Variants in OTOGL observed in about 807,000 individuals in gnomAD.
OTOGL encodes the protein otogelin like.
OTOGL carries 285 observed loss-of-function variants against 318.5 expected under a neutral mutation model. The ratio of observed to expected loss-of-function variants is 0.89; its 90% CI spans 0.81 to 0.99. OTOGL has a LOEUF of 0.99. Ranked by LOEUF, OTOGL falls within the 50% of genes least tolerant of loss-of-function variation. The pLI is 0.00. For synonymous variants in OTOGL, 987 were observed against 936.5 expected (o/e 1.05, Z -0.99); for missense variants, 2,899 against 2,845.6 (o/e 1.02, Z -0.43).
intron 1 of OTOGL, among the ~76,000 whole-genome samples, chr12:80,179,708 T>C (rs554579541): frequency 6.6e-6 from 1 of 152,346 alleles, no homozygotes; most frequent in East Asian, 1.9e-4. Context: ...GGGCATTCAG[T>C]GCTTAGATGA....
intron 9 of OTOGL, among the ~76,000 whole-genome samples, chr12:80,235,841 G>A (rs1879799220): frequency 6.6e-6 from 1 of 152,072 alleles, no homozygotes; most frequent in Non-Finnish European, 1.5e-5. Context: ...ACAGTATAAG[G>A]CAGAGTAATT....
intron 26 of OTOGL, among the ~76,000 whole-genome samples, chr12:80,281,042 G>C (rs559718732): frequency 6.6e-6 from 1 of 151,568 alleles, no homozygotes; most frequent in Non-Finnish European, 1.5e-5. Context: ...TTCTACATTG[G>C]TTTTGTATCC....
In OTOGL at chr12:80,150,161, G is replaced by C. The variant is rs141919948; in HGVS notation, c.-20+50556G>C. ...AGGACTTTGCTCTCTCTCAAATAGAGTACTGTGTGACCAAAGGTCCTGTTC... is the reference window on the plus strand; with the variant it reads ...AGGACTTTGCTCTCTCTCAAATAGACTACTGTGTGACCAAAGGTCCTGTTC... On this transcript the variant is annotated intron_variant, in intron 1 of 58. Coordinates refer to ENST00000547103, the MANE Select transcript of OTOGL (RefSeq NM_001378609.3). Among the ~76,000 whole-genome samples, 5 of 152,298 alleles carry C rather than the reference G, an allele frequency of 3.3e-5. No individual in the cohort carries two copies. In the East Asian group the frequency reaches 9.6e-4, roughly 29 times the overall value.
chr12:80,366,123 G>A (rs1566018345), intron 52 of OTOGL: 1 of 199,594 alleles, frequency 5.0e-6, no homozygotes, highest in Non-Finnish European at 1.1e-5. Flanking sequence ...AGGGAAGTGA[G>A]GAGCAGATTG....
chr12:80,099,899 T>A (rs975414687), intron 1 of OTOGL, among the ~76,000 whole-genome samples: 2 of 152,194 alleles, frequency 1.3e-5, no homozygotes, highest in Admixed American at 1.3e-4. Flanking sequence ...CCAATCACTT[T>A]GAAGAGAGGA....
At chr12:80,277,101 T>A (rs1299531518) in intron 24 of OTOGL, among the ~76,000 whole-genome samples, 1 of 149,006 alleles carries the variant, frequency 6.7e-6, no homozygotes, top group East Asian at 1.9e-4. Context: ...TTTTAATTTT[T>A]ATTTATTTAT....
chr12:80,134,794 T>C (rs1871447057), intron 1 of OTOGL, among the ~76,000 whole-genome samples: 1 of 152,178 alleles, frequency 6.6e-6, no homozygotes. Context: ...ATGTCAGTAA[T>C]CACAAGAAGC....
chr12:80,364,607 C>G (rs1019106794), intron 52 of OTOGL, among the ~76,000 whole-genome samples: 6 of 152,064 alleles, frequency 3.9e-5, no homozygotes, highest in African/African-American at 1.4e-4. Context: ...AATCTCTACT[C>G]TACTTTCTGT....
At chr12:80,306,731 T>C (rs75476229) in intron 29 of OTOGL, among the ~76,000 whole-genome samples, 1,941 of 151,814 alleles carry the variant, frequency 0.013, 30 homozygotes, top group African/African-American at 0.044. Context: ...AAAATCGTTT[T>C]ACATTCTTCT....
At chr12:80,301,358 C>T (rs1394622257) in intron 27 of OTOGL, among the ~76,000 whole-genome samples, 1 of 152,206 alleles carries the variant, frequency 6.6e-6, no homozygotes, top group Non-Finnish European at 1.5e-5. Flanking sequence ...TTTATCCTTT[C>T]TCCTGCCTAA....
chr12:80,150,140 C>CT (rs887511769), intron 1 of OTOGL, among the ~76,000 whole-genome samples: 13 of 152,242 alleles, frequency 8.5e-5, no homozygotes, highest in African/African-American at 2.4e-4. Context: ...ATAGAAAGGA[C>CT]TTTGCTCTCT....
chr12:80,188,018 C>T (rs1875414052), intron 1 of OTOGL, among the ~76,000 whole-genome samples: 1 of 152,154 alleles, frequency 6.6e-6, no homozygotes, highest in African/African-American at 2.4e-5. Flanking sequence ...GACTCAGTGC[C>T]AGGAGTTGAC....
chr12:80,100,350 T>C (rs1869064963), intron 1 of OTOGL, among the ~76,000 whole-genome samples: 1 of 152,196 alleles, frequency 6.6e-6, no homozygotes, highest in South Asian at 2.1e-4. Flanking sequence ...AACAAAAATA[T>C]GATAAATGCT....
At chr12:80,256,081 T>A (rs187884837) in intron 16 of OTOGL, among the ~76,000 whole-genome samples, 198 of 152,196 alleles carry the variant, frequency 1.3e-3, no homozygotes, top group Non-Finnish European at 2.3e-3. Context: ...CTGATATATT[T>A]AATGTACTAT....
intron 55 of OTOGL, among the ~76,000 whole-genome samples, chr12:80,369,843 T>C (rs1890773415): frequency 6.6e-6 from 1 of 152,044 alleles, no homozygotes; most frequent in African/African-American, 2.4e-5. Flanking sequence ...CCATCTCTTT[T>C]ATGAATTTTC....
At chr12:80,320,807 GA>G in intron 34 of OTOGL, 107 bp downstream of exon 34, 1 of 1,165,918 alleles carries the variant, frequency 8.6e-7, no homozygotes, top group Non-Finnish European at 1.2e-6. Context: ...TAAGCAGATA[GA>G]CTTTTATGAC....
intron 1 of OTOGL, among the ~76,000 whole-genome samples, chr12:80,146,827 T>C (rs1872403008): frequency 6.6e-6 from 1 of 151,716 alleles, no homozygotes; most frequent in Non-Finnish European, 1.5e-5. Context: ...TTCTTCTAGA[T>C]TTTCTAGTTT....
chr12:80,227,162 T>G (rs1878935883), intron 7 of OTOGL, among the ~76,000 whole-genome samples: 1 of 152,152 alleles, frequency 6.6e-6, no homozygotes, highest in Admixed American at 6.6e-5. Context: ...TTTCCTTTTT[T>G]GTTCTACATT....
At chr12:80,151,797 G>C (rs574588866) in intron 1 of OTOGL, among the ~76,000 whole-genome samples, 1 of 152,294 alleles carries the variant, frequency 6.6e-6, no homozygotes, top group South Asian at 2.1e-4. Flanking sequence ...CACTGTGAAC[G>C]TGAATGGCCC....
Sources: allele counts gnomAD v4.1 joint callset (sites outside exome capture counted in the v4.1 genomes callset), GRCh38; gene constraint gnomAD v4.1.1; transcripts MANE v1.5; gene names NCBI Gene and HGNC (gene_info 2026-07-23, HGNC 2026-07-21).